The following AMPD3 variants were observed in gnomAD, a reference collection of about 807,000 sequenced individuals.
The protein encoded by AMPD3 is AMP deaminase 3.
AMPD3 carries 57 observed loss-of-function variants against 82.3 expected under a neutral mutation model. That is an observed-to-expected ratio of 0.69 (90% CI 0.56 to 0.86). The LOEUF (loss-of-function observed/expected upper bound fraction) is 0.86. Ranked by LOEUF, AMPD3 falls within the 40% of genes least tolerant of loss-of-function variation. AMPD3 has a pLI of 0.00. For missense variants in AMPD3, 870 were observed against 1,003.8 expected (o/e 0.87, Z 1.80); for synonymous variants, 381 against 394.7 (o/e 0.97, Z 0.41).
chr11:10,475,240 A>C (rs1005900051), intron 2 of AMPD3, among the ~76,000 whole-genome samples: 1 of 151,986 alleles, frequency 6.6e-6, no homozygotes, highest in Non-Finnish European at 1.5e-5. Flanking sequence ...CACACTTTTA[A>C]ATGCCCAGAT....
chr11:10,497,449 CA>C (rs1203821113), intron 10 of AMPD3: 1 of 354,420 alleles, frequency 2.8e-6, no homozygotes, highest in Admixed American at 6.4e-5. Flanking sequence ...GAGGCTTAAC[CA>C]GGGAGGGAGG....
At chr11:10,504,208 A>G (rs1432988656) in intron 13 of AMPD3, 2 of 985,096 alleles carry the variant, frequency 2.0e-6, no homozygotes, top group Admixed American at 1.2e-4. Flanking sequence ...TGTTAAAAAG[A>G]AAAGCTAGAG....
chr11:10,493,673 G>A (rs1289150558), intron 7 of AMPD3, 130 bp downstream of exon 7: 1 of 1,035,422 alleles, frequency 9.7e-7, no homozygotes, highest in East Asian at 2.6e-5. Context: ...CTATCTGACT[G>A]AGAGGTCATG....
At chr11:10,495,838 G>A in intron 9 of AMPD3, 105 bp downstream of exon 9, 1 of 1,417,062 alleles carries the variant, frequency 7.1e-7, no homozygotes, top group East Asian at 2.4e-5. Context: ...CTGTTCTGGT[G>A]CCAGCTTACG....
Position 10,505,704 on chromosome 11 carries a change from A to C in AMPD3, c.2128-4A>C. ...GTTTCATTTGTATTTCTCTTGGTCC[A>C]CAGGAAAAGCAAAAGTTTCTGGGAC... On this transcript the variant is annotated splice_polypyrimidine_tract_variant and splice_region_variant and intron_variant, in intron 14 of 14. Transcript: ENST00000396553. 1 of 1,613,452 alleles carries C rather than the reference A, an allele frequency of 6.2e-7. No individual in the cohort carries two copies. The highest frequency in any genetic ancestry group is 1.1e-5 in the South Asian group (1 of 91,080).
intron 11 of AMPD3, 36 bp downstream of exon 11, chr11:10,500,285 A>C (rs1033316012): frequency 5.6e-6 from 9 of 1,611,792 alleles, no homozygotes; most frequent in Non-Finnish European, 7.6e-6. Context: ...GCTTGGGTTC[A>C]TGTGTTAGTA....
intron 13 of AMPD3, 84 bp downstream of exon 13, chr11:10,502,978 G>A (rs1379849900): frequency 1.3e-6 from 2 of 1,502,466 alleles, no homozygotes; most frequent in South Asian, 1.1e-5. Context: ...CTGAGCCCAT[G>A]GCTTAGTTCT....
rs1188639891 is a variant in AMPD3 at position 10,505,890 on chromosome 11, G to C, written c.*6G>C. 1.2e-6 allele frequency: 2 copies of C among 1,613,962 alleles called. No homozygotes were observed. The highest frequency in any genetic ancestry group is 2.2e-5 in the East Asian group (1 of 44,894). On this transcript the variant is annotated 3_prime_UTR_variant, in exon 15 of 15. Coordinates refer to ENST00000396553, the MANE Select transcript of AMPD3 (RefSeq NM_001025389.2). Reference sequence around the variant, plus strand: ...TCACCGCCTTGACCAACTAGGTCCAGCATTTGACATGCATTTTAACTTTTT... The same window carrying C: ...TCACCGCCTTGACCAACTAGGTCCACCATTTGACATGCATTTTAACTTTTT...
chr11:10,493,446 C>T lies in AMPD3; in HGVS notation c.1037C>T (p.Ala346Val), dbSNP rs373399680. Reference protein sequence around the residue: ...TYQTEPDRTVAEKRGRKITLR... With the variant: ...TYQTEPDRTVVEKRGRKITLR... ...CAGACGGAGCCTGACAGGACTGTGG[C>T]AGAGAAGCGGGGCCGGAAGATCACC... The change falls in exon 7 of 15, where the codon GCA (alanine) becomes GTA (valine). Residue 346 changes from alanine (A) to valine (V), a missense_variant. Physicochemically the swap from Ala to Val is moderately conservative, Grantham distance 64. Coordinates refer to ENST00000396553, the MANE Select transcript of AMPD3 (RefSeq NM_001025389.2). The T allele has an allele frequency of 2.5e-6, 4 of 1,614,086 alleles. No homozygotes were observed. Among genetic ancestry groups the T allele is most frequent in the Non-Finnish European group, 3.4e-6 (4 of 1,180,046 alleles).
At chr11:10,468,638 G>T (rs1848492296) in intron 2 of AMPD3, among the ~76,000 whole-genome samples, 1 of 152,092 alleles carries the variant, frequency 6.6e-6, no homozygotes. Context: ...GGATATTCAG[G>T]ACTTGAACTC....
At chr11:10,483,392 T>G (rs1222832753) in intron 4 of AMPD3, among the ~76,000 whole-genome samples, 1 of 152,198 alleles carries the variant, frequency 6.6e-6, no homozygotes, top group Non-Finnish European at 1.5e-5. Flanking sequence ...CCCCAGTCTC[T>G]GGCTTCCTTG....
At chr11:10,455,000 C>A, upstream of AMPD3, 1 of 332,670 alleles carries the variant, frequency 3.0e-6, no homozygotes, top group Non-Finnish European at 4.3e-6. Context: ...ATGTGTCAAC[C>A]CTGTAATACT....
chr11:10,471,072 G>T (rs1371146001), intron 2 of AMPD3, among the ~76,000 whole-genome samples: 1 of 152,124 alleles, frequency 6.6e-6, no homozygotes, highest in Admixed American at 6.5e-5. Flanking sequence ...ATACTACAAG[G>T]CTACAGTAAA....
intron 11 of AMPD3, chr11:10,501,217 G>A (rs930445696): frequency 2.7e-5 from 27 of 985,214 alleles, no homozygotes; most frequent in African/African-American, 3.5e-5. Context: ...GAGAGTGGCT[G>A]GAGGGCACAG....
chr11:10,499,766 G>A, intron 10 of AMPD3: 1 of 985,460 alleles, frequency 1.0e-6, no homozygotes, highest in South Asian at 4.7e-5. Context: ...AGAGGGGCAG[G>A]TGGTGGCCAT....
intron 11 of AMPD3, 87 bp downstream of exon 11, chr11:10,500,336 A>C: frequency 6.6e-7 from 1 of 1,504,494 alleles, no homozygotes; most frequent in South Asian, 1.1e-5. Context: ...CATGCATGTG[A>C]TCCTTGTGTC....
Position 10,477,007 on chromosome 11 carries a change from A to G in AMPD3, c.222-1519A>G, listed in dbSNP as rs1159041903. 5 of 985,366 alleles carry G rather than the reference A, an allele frequency of 5.1e-6. No homozygotes were observed. The African/African-American group carries it at 8.7e-5, about 17-fold the overall frequency. The allele number at this position is 985,366 out of a possible 1,614,324, so 61.0% of individuals were successfully genotyped here. On this transcript the variant is annotated intron_variant, in intron 2 of 14. Transcript: ENST00000396553. ...AGGTTAAAATAGCCTTGTCCCAAAGATGTGATAACACAGGGTAGGCAGGTG... is the reference window on the plus strand; with the variant it reads ...AGGTTAAAATAGCCTTGTCCCAAAGGTGTGATAACACAGGGTAGGCAGGTG...
chr11:10,485,113 A>AC, intron 5 of AMPD3, 74 bp downstream of exon 5: 1 of 1,423,028 alleles, frequency 7.0e-7, no homozygotes, highest in African/African-American at 1.4e-5. Flanking sequence ...GAAAGGCCTC[A>AC]CCCCTCTGCC....
At chr11:10,471,758 C>T (rs1161788938) in intron 2 of AMPD3, among the ~76,000 whole-genome samples, 25 of 152,230 alleles carry the variant, frequency 1.6e-4, no homozygotes, top group African/African-American at 5.1e-4. Flanking sequence ...TACCATCTCA[C>T]GCCAGTTAGA....
Sources: gnomAD v4.1 joint callset for allele counts (sites outside exome capture counted in the v4.1 genomes callset) on GRCh38, gnomAD v4.1.1 for gene constraint, MANE v1.5 for transcripts, NCBI Gene and HGNC (gene_info 2026-07-23, HGNC 2026-07-21) for gene names.